Variants in KCNIP4 observed in about 807,000 individuals in gnomAD.
The protein encoded by KCNIP4 is Kv channel-interacting protein 4.
KCNIP4 carries 12 observed loss-of-function variants against 34.0 expected under a neutral mutation model. The ratio of observed to expected loss-of-function variants is 0.35; its 90% CI spans 0.23 to 0.57. The LOEUF (loss-of-function observed/expected upper bound fraction) is 0.57, where lower values mean the gene tolerates loss of function less well. Among genes scored for constraint, KCNIP4 ranks in the 20% least tolerant of loss-of-function variants. The pLI is 0.83. For missense variants in KCNIP4, 238 were observed against 311.7 expected (o/e 0.76, Z 1.78); for synonymous variants, 124 against 102.2 (o/e 1.21, Z -1.29).
chr4:21,080,096 T>C (rs993506093), intron 1 of KCNIP4, among the ~76,000 whole-genome samples: 1 of 151,866 alleles, frequency 6.6e-6, no homozygotes, highest in Non-Finnish European at 1.5e-5. Context: ...ATTCTGCAAC[T>C]CATCTCCTGC....
At chr4:21,291,319 G>T (rs1253362157) in intron 1 of KCNIP4, among the ~76,000 whole-genome samples, 1 of 128,814 alleles carries the variant, frequency 7.8e-6, no homozygotes, top group Non-Finnish European at 1.7e-5. Flanking sequence ...GAGTGTGCTA[G>T]AGTGTGCACC....
chr4:21,944,882 G>A (rs1013063862), intron 1 of KCNIP4, among the ~76,000 whole-genome samples: 1 of 152,028 alleles, frequency 6.6e-6, no homozygotes, highest in African/African-American at 2.4e-5. Context: ...ATGCCCAAGG[G>A]TAAATTAATT....
intron 1 of KCNIP4, among the ~76,000 whole-genome samples, chr4:21,764,152 C>T (rs1718244323): frequency 6.6e-6 from 1 of 152,082 alleles, no homozygotes; most frequent in Admixed American, 6.6e-5. Flanking sequence ...GATAAGCAGG[C>T]ATTTTCCATA....
At position 21,289,897 on chromosome 4, in the gene KCNIP4, A is replaced by G. The variant is rs190404967; in HGVS notation, c.62-407188T>C. ...GCTTCCTCACCCCACCCTTTCCCAC[A>G]TGTCACATACACATTCCAATTTTCC... is the stretch of plus-strand genomic sequence containing the variant. On this transcript the variant is annotated intron_variant, in intron 1 of 8. Coordinates refer to ENST00000382152, the MANE Select transcript of KCNIP4 (RefSeq NM_025221.6). Among the ~76,000 whole-genome samples the G allele has an allele frequency of 4.6e-5, 7 of 152,284 alleles. No homozygotes were observed. The East Asian group carries it at 1.2e-3, about 25-fold the overall frequency.
intron 1 of KCNIP4, among the ~76,000 whole-genome samples, chr4:21,177,616 G>A (rs922370024): frequency 6.6e-6 from 1 of 152,026 alleles, no homozygotes; most frequent in Non-Finnish European, 1.5e-5. Context: ...GGTTACCTGA[G>A]GTCAGGAATT....
chr4:21,233,331 G>A (rs552998338), intron 1 of KCNIP4, among the ~76,000 whole-genome samples: 3 of 152,168 alleles, frequency 2.0e-5, no homozygotes, highest in Non-Finnish European at 4.4e-5. Context: ...CACATCACCT[G>A]AACACAAACG....
intron 1 of KCNIP4, among the ~76,000 whole-genome samples, chr4:21,614,891 A>T (rs887639908): frequency 2.0e-5 from 3 of 152,126 alleles, no homozygotes; most frequent in African/African-American, 7.2e-5. Flanking sequence ...TCTTAAAGGC[A>T]CACAACCATT....
Position 21,639,368 on chromosome 4 carries a change from G to A in KCNIP4, c.61+309203C>T, listed in dbSNP as rs140654013. On this transcript the variant is annotated intron_variant, in intron 1 of 8. Transcript: ENST00000382152. ...AAATTAAGACCCAACAAAAAGACAC[G>A]AAATACCTAAGAAATTGAGAATCAA... 3.3e-5 allele frequency among the ~76,000 whole-genome samples: 5 copies of A among 152,178 alleles called. No individual in the cohort carries two copies. The East Asian group carries it at 9.7e-4, about 29-fold the overall frequency.
At chr4:21,251,388 A>T (rs571822606) in intron 1 of KCNIP4, among the ~76,000 whole-genome samples, 33 of 152,278 alleles carry the variant, frequency 2.2e-4, no homozygotes, top group African/African-American at 6.3e-4. Context: ...CAAATTAAAA[A>T]ATGCACACAG....
At chr4:20,867,740 T>C (rs1389297042) in intron 2 of KCNIP4, among the ~76,000 whole-genome samples, 1 of 152,086 alleles carries the variant, frequency 6.6e-6, no homozygotes, top group Non-Finnish European at 1.5e-5. Flanking sequence ...TCTTCGTGGA[T>C]GAAGCTGGAG....
intron 1 of KCNIP4, among the ~76,000 whole-genome samples, chr4:21,817,349 C>T (rs558506812): frequency 5.9e-5 from 9 of 152,260 alleles, no homozygotes; most frequent in East Asian, 5.8e-4. Context: ...TGAGGATATA[C>T]GTCATCTCAG....
At chr4:21,778,705 G>T (rs1231001683) in intron 1 of KCNIP4, among the ~76,000 whole-genome samples, 3 of 151,800 alleles carry the variant, frequency 2.0e-5, no homozygotes, top group Non-Finnish European at 4.4e-5. Flanking sequence ...TACAAATTAA[G>T]GCATAATGTA....
chr4:20,922,547 G>GTCTGTCTGTCTGTCTA (rs373186954), intron 1 of KCNIP4, among the ~76,000 whole-genome samples: 2,649 of 129,448 alleles, frequency 0.02, 49 homozygotes, highest in Admixed American at 0.051. Flanking sequence ...CTGTCTGTCT[G>GTCTGTCTGTCTGTCTA]TCTATCTATC....
At chr4:21,470,313 G>A (rs1455265574) in intron 1 of KCNIP4, among the ~76,000 whole-genome samples, 2 of 152,088 alleles carry the variant, frequency 1.3e-5, no homozygotes, top group Non-Finnish European at 2.9e-5. Flanking sequence ...AGCAAAAGAA[G>A]AAAAGAGGAA....
At chr4:21,554,945 G>T (rs1175079893) in intron 1 of KCNIP4, among the ~76,000 whole-genome samples, 2 of 151,926 alleles carry the variant, frequency 1.3e-5, no homozygotes, top group Admixed American at 6.6e-5. Context: ...TTTTGCCTGG[G>T]TTTATATATT....
At chr4:20,761,884 T>C (rs1438838438) in intron 3 of KCNIP4, among the ~76,000 whole-genome samples, 1 of 152,180 alleles carries the variant, frequency 6.6e-6, no homozygotes, top group African/African-American at 2.4e-5. Context: ...CCACCTTATA[T>C]TCATTACATT....
At chr4:21,946,015 T>C (rs115123142) in intron 1 of KCNIP4, among the ~76,000 whole-genome samples, 3,406 of 147,750 alleles carry the variant, frequency 0.023, 102 homozygotes, top group African/African-American at 0.058. Flanking sequence ...GTTAGCATAC[T>C]AGATGCGTTT....
At chr4:20,786,738 GT>G (rs1383492346) in intron 3 of KCNIP4, among the ~76,000 whole-genome samples, 1 of 151,778 alleles carries the variant, frequency 6.6e-6, no homozygotes, top group Non-Finnish European at 1.5e-5. Context: ...TCTTGCAAGT[GT>G]TTTTTTTAGA....
At chr4:21,102,884 G>T (rs934679565) in intron 1 of KCNIP4, among the ~76,000 whole-genome samples, 1 of 152,168 alleles carries the variant, frequency 6.6e-6, no homozygotes, top group South Asian at 2.1e-4. Context: ...ATTTCACTTT[G>T]TTTCCTTTCT....
Sources: gnomAD v4.1 joint callset for allele counts (sites outside exome capture counted in the v4.1 genomes callset) on GRCh38, gnomAD v4.1.1 for gene constraint, MANE v1.5 for transcripts, NCBI Gene and HGNC (gene_info 2026-07-23, HGNC 2026-07-21) for gene names.